GRAMD2A: variants seen among roughly 807,000 people sequenced by gnomAD.
GRAMD2A encodes GRAM domain containing 2A, also known as GRAM domain-containing protein 2A.
GRAMD2A carries 37 observed loss-of-function variants against 51.1 expected under a neutral mutation model. The observed-to-expected ratio is 0.72, with a 90% CI of 0.56 to 0.95. The LOEUF is 0.95. Among genes scored for constraint, GRAMD2A ranks in the 40% least tolerant of loss-of-function variants. The pLI, the probability that GRAMD2A is intolerant of heterozygous loss-of-function variation, is 0.00. For missense variants in GRAMD2A, 414 were observed against 426.9 expected (o/e 0.97, Z 0.27); for synonymous variants, 136 against 157.1 (o/e 0.87, Z 1.01).
rs1266041296 is a variant in GRAMD2A, at chr15:72,163,618, A to T, written c.740T>A (p.Met247Lys). 6.3e-7 allele frequency: 1 copy of T among 1,596,626 alleles called. No individual in the cohort carries two copies. The highest frequency in any genetic ancestry group is 2.2e-5 in the East Asian group (1 of 44,750). The change falls in exon 9 of 12, where the codon ATG becomes AAG. Residue 247 changes from methionine (M) to lysine (K), a missense_variant. Coordinates refer to ENST00000309731, the MANE Select transcript of GRAMD2A (RefSeq NM_001012642.3). ...DSFFPSRKPP[M>K]SEKSRAQVAS... ...ACAAGCCCTCCCGAACTTACCAGAC[A>T]TTGGAGGCTTCCTGGAGGGGAAGAA... is the stretch of plus-strand genomic sequence containing the variant.
At chr15:72,174,622 T>C (rs1376431335) in intron 1 of GRAMD2A, among the ~76,000 whole-genome samples, 3 of 152,182 alleles carry the variant, frequency 2.0e-5, no homozygotes, top group Admixed American at 2.0e-4. Context: ...GCCCTTCCCC[T>C]GGCTGAGCAT....
intron 11 of GRAMD2A, 46 bp from the exon 12 acceptor site, chr15:72,162,058 C>G (rs372511377): frequency 1.2e-6 from 2 of 1,613,044 alleles, no homozygotes; most frequent in Non-Finnish European, 1.7e-6. Flanking sequence ...GCCCAGAATG[C>G]AGACGGACGT....
At position 72,166,706 on chromosome 15, in the gene GRAMD2A, G is replaced by T; in HGVS notation, c.472-3C>A. 1 of 1,612,120 alleles carries T rather than the reference G, an allele frequency of 6.2e-7. No individual in the cohort carries two copies. Among genetic ancestry groups the T allele is most frequent in the Non-Finnish European group, 8.5e-7 (1 of 1,178,930 alleles). On this transcript the variant is annotated splice_region_variant and splice_polypyrimidine_tract_variant and intron_variant, in intron 6 of 11. Transcript: ENST00000309731. This position sits in a 1 kb window ranked among gnomAD's most constrained non-coding sequence, Gnocchi z 4.1. ...GAGAGCAGTGACACAAAGATATACT[G>T]GGACATGGAAAGAAAACAGACAGGG...
At chr15:72,167,127 C>A in intron 5 of GRAMD2A, 35 bp from the exon 6 acceptor site, 2 of 1,497,386 alleles carry the variant, frequency 1.3e-6, no homozygotes, top group Non-Finnish European at 1.9e-6. Context: ...TCAGGACTAA[C>A]CCCCAAGGAC....
Position 72,168,568 on chromosome 15 carries a change from T to A in GRAMD2A, c.193-2A>T. The A allele has an allele frequency of 6.2e-7, 1 of 1,612,838 alleles. No individual in the cohort carries two copies. Among genetic ancestry groups the A allele is most frequent in the Non-Finnish European group, 8.5e-7 (1 of 1,179,008 alleles). ...CTGGTTGTATTTATTCAGTGTTATCTGCAAACACACAGGCTGCGTCTGAGA... is the reference window on the plus strand; with the variant it reads ...CTGGTTGTATTTATTCAGTGTTATCAGCAAACACACAGGCTGCGTCTGAGA... On this transcript the variant is annotated splice_acceptor_variant, in intron 3 of 11. Coordinates refer to ENST00000309731, the MANE Select transcript of GRAMD2A (RefSeq NM_001012642.3). LOFTEE classifies it high-confidence loss of function.
chr15:72,174,346 C>T (rs949657137), intron 1 of GRAMD2A, among the ~76,000 whole-genome samples: 6 of 152,146 alleles, frequency 3.9e-5, no homozygotes, highest in Non-Finnish European at 8.8e-5. Context: ...GCCTGGTCCC[C>T]CACCCTGCAG....
At position 72,170,238 on chromosome 15, in the gene GRAMD2A, G is replaced by T. The variant is rs1203968005; in HGVS notation, c.42-299C>A. On this transcript the variant is annotated intron_variant, in intron 1 of 11. Coordinates refer to ENST00000309731, the MANE Select transcript of GRAMD2A (RefSeq NM_001012642.3). This position sits in a 1 kb window ranked among gnomAD's most constrained non-coding sequence, Gnocchi z 4.5. ...ATCTCCAGTGCCAGGCAGCTCGTAG[G>T]CCAGGCTGAGTGAGGCCTCTAGCCC... The T allele has an allele frequency of 1.9e-6, 1 of 538,022 alleles. No homozygotes were observed. 33.3% of individuals were successfully genotyped at this position (538,022 alleles called of 1,614,324 possible).
chr15:72,166,874 C>T lies in GRAMD2A; in HGVS notation c.471+120G>A, dbSNP rs2081551585. ...CAGCTTGTTGTACGGCCTGAAATAC[C>T]TACTGGAGAGCTGCAGGGTGGGGTG... On this transcript the variant is annotated intron_variant, in intron 6 of 11. Transcript: ENST00000309731. The surrounding 1 kb of genome is among the most constrained non-coding windows in gnomAD (Gnocchi z 4.1). The T allele has an allele frequency of 1.1e-6, 1 of 940,606 alleles. No individual in the cohort carries two copies. The allele number at this position is 940,606 out of a possible 1,614,324, so 58.3% of individuals were successfully genotyped here.
intron 1 of GRAMD2A, among the ~76,000 whole-genome samples, chr15:72,183,110 G>A (rs561647076): frequency 5.3e-5 from 8 of 151,998 alleles, no homozygotes; most frequent in Non-Finnish European, 8.8e-5. Flanking sequence ...TGGCCTCAAG[G>A]GATCCTTCTG....
At chr15:72,185,197 T>A (rs1218497776) in intron 1 of GRAMD2A, among the ~76,000 whole-genome samples, 1 of 151,110 alleles carries the variant, frequency 6.6e-6, no homozygotes, top group Non-Finnish European at 1.5e-5. Context: ...CAGTTTTTTT[T>A]TTTTTTTTTT....
intron 1 of GRAMD2A, among the ~76,000 whole-genome samples, chr15:72,190,940 G>A (rs2081763953): frequency 6.6e-6 from 1 of 152,202 alleles, no homozygotes; most frequent in Non-Finnish European, 1.5e-5. Flanking sequence ...AGAAGTCATT[G>A]AAGCCTGGAG....
At chr15:72,182,717 C>G (rs1204901444) in intron 1 of GRAMD2A, among the ~76,000 whole-genome samples, 1 of 152,052 alleles carries the variant, frequency 6.6e-6, no homozygotes, top group East Asian at 1.9e-4. Flanking sequence ...ACATATGAAT[C>G]CACTTAAATT....
intron 1 of GRAMD2A, among the ~76,000 whole-genome samples, chr15:72,184,047 GA>G (rs1156693242): frequency 6.6e-6 from 1 of 152,242 alleles, no homozygotes; most frequent in East Asian, 1.9e-4. Context: ...TCCCTCGCGG[GA>G]AAAGACCACG....
chr15:72,186,164 A>T (rs183520772), intron 1 of GRAMD2A, among the ~76,000 whole-genome samples: 4 of 152,274 alleles, frequency 2.6e-5, no homozygotes, highest in Admixed American at 1.3e-4. Context: ...TACCTATTTT[A>T]TCAGTAAACA....
intron 1 of GRAMD2A, among the ~76,000 whole-genome samples, chr15:72,171,624 A>G (rs2081610711): frequency 6.6e-6 from 1 of 152,102 alleles, no homozygotes; most frequent in Non-Finnish European, 1.5e-5. Flanking sequence ...CCTTCTCTGG[A>G]TATTGTCTCT....
intron 1 of GRAMD2A, among the ~76,000 whole-genome samples, chr15:72,186,820 A>G (rs754971454): frequency 1.3e-5 from 2 of 152,140 alleles, no homozygotes; most frequent in Admixed American, 6.6e-5. Context: ...ATGTGCTAAT[A>G]TGGAAAAAAA....
chr15:72,183,864 G>A (rs544382766), intron 1 of GRAMD2A, among the ~76,000 whole-genome samples: 4 of 152,268 alleles, frequency 2.6e-5, no homozygotes, highest in African/African-American at 7.2e-5. Context: ...GACAACTTTG[G>A]TGCAGTAGTG....
rs370162008 is a variant in GRAMD2A at position 72,194,682 on chromosome 15, A to G, written c.41+3049T>C. On this transcript the variant is annotated intron_variant, in intron 1 of 11. Coordinates refer to ENST00000309731, the MANE Select transcript of GRAMD2A (RefSeq NM_001012642.3). ...TCCAAACTCATATTTTTTCTTTATT[A>G]TTTATTATTATTATTATTATTTTGA... is the stretch of plus-strand genomic sequence containing the variant. Among the ~76,000 whole-genome samples, 6 of 151,636 alleles carry G rather than the reference A, an allele frequency of 4.0e-5. No homozygotes were observed. The South Asian group carries it at 1.2e-3, about 32-fold the overall frequency.
intron 1 of GRAMD2A, among the ~76,000 whole-genome samples, chr15:72,196,308 G>A (rs993879391): frequency 6.6e-6 from 1 of 152,080 alleles, no homozygotes; most frequent in Non-Finnish European, 1.5e-5. Flanking sequence ...CTGAGGTCAG[G>A]AGTTCAAGAC....
Sources: allele counts gnomAD v4.1 joint callset (sites outside exome capture counted in the v4.1 genomes callset), GRCh38; gene constraint gnomAD v4.1.1; non-coding constraint Gnocchi (gnomAD v3.1); transcripts MANE v1.5; gene names NCBI Gene and HGNC (gene_info 2026-07-23, HGNC 2026-07-21).